SEMA5B: variants seen among roughly 807,000 people sequenced by gnomAD.
SEMA5B encodes the protein semaphorin-5B.
Under a neutral mutation model 135.0 loss-of-function variants are expected in SEMA5B, and 66 were observed. That is an observed-to-expected ratio of 0.49 (90% CI 0.40 to 0.60). SEMA5B has a LOEUF of 0.60. SEMA5B is among the 20% of genes least tolerant of loss of function. SEMA5B has a pLI of 0.00. For synonymous variants in SEMA5B, 690 were observed against 639.5 expected (o/e 1.08, Z -1.19); for missense variants, 1,501 against 1,566.3 (o/e 0.96, Z 0.70).
At chr3:122,944,258 CCAAATCCATCCCACAAGAG>C (rs1179512161) in intron 3 of SEMA5B, among the ~76,000 whole-genome samples, 2 of 152,200 alleles carry the variant, frequency 1.3e-5, no homozygotes, top group Non-Finnish European at 2.9e-5. Context: ...TCACACTTCC[CCAAATCCATCCCACAAGAG>C]CCTGCAAACC....
At chr3:122,943,403 A>G in intron 4 of SEMA5B, 33 bp downstream of exon 4, 2 of 1,471,210 alleles carry the variant, frequency 1.4e-6, no homozygotes, top group Non-Finnish European at 1.9e-6. Flanking sequence ...AAGCCCCTGC[A>G]CTTCCCACCC....
At position 122,913,219 on chromosome 3, in the gene SEMA5B, G is replaced by A. The variant is rs1238114339; in HGVS notation, c.2486C>T (p.Ser829Phe). Residue 829 changes from serine (S) to phenylalanine (F), a missense_variant, in exon 17 of 23, where the codon TCC (serine) becomes TTC (phenylalanine). By Grantham distance (155) the Ser-to-Phe change is radical. Coordinates refer to ENST00000357599, the MANE Select transcript of SEMA5B (RefSeq NM_001031702.4). ...GGTACCGTCGGTGTCGCAGGAGCCG[G>A]AGCCGTCCGCGGGACAGGTCCTCGT... ...TETRTCPADG[S>F]GSCDTDALVE... 1.3e-6 allele frequency: 2 copies of A among 1,576,718 alleles called. No homozygotes were observed. The highest frequency in any genetic ancestry group is 2.3e-5 in the South Asian group (2 of 87,170).
intron 21 of SEMA5B, 34 bp from the exon 22 acceptor site, chr3:122,911,079 C>T (rs1224700672): frequency 6.4e-7 from 1 of 1,553,628 alleles, no homozygotes; most frequent in South Asian, 1.1e-5. Flanking sequence ...AAGATGAGGG[C>T]CACTGTGAAG....
Position 122,915,558 on chromosome 3 carries a change from A to C in SEMA5B, c.1870T>G (p.Leu624Val), listed in dbSNP as rs764045755. The change falls in exon 14 of 23, where the codon TTG becomes GTG. Residue 624 changes from leucine (L) to valine (V), a missense_variant. Coordinates refer to ENST00000357599, the MANE Select transcript of SEMA5B (RefSeq NM_001031702.4). ...CAAGAGCCTGAGTTGTCCCCATCCAAGTGCTCACATGGTTGCCATGGTGAC... is the reference window on the plus strand; with the variant it reads ...CAAGAGCCTGAGTTGTCCCCATCCACGTGCTCACATGGTTGCCATGGTGAC... ...PWSPWQPCEH[L>V]DGDNSGSCLC... 6.2e-7 allele frequency: 1 copy of C among 1,614,102 alleles called. No homozygotes were observed. Among genetic ancestry groups the C allele is most frequent in the Non-Finnish European group, 8.5e-7 (1 of 1,179,978 alleles).
chr3:122,914,905 T>C (rs547621884), intron 14 of SEMA5B, among the ~76,000 whole-genome samples: 2 of 145,038 alleles, frequency 1.4e-5, no homozygotes, highest in East Asian at 3.9e-4. Flanking sequence ...AGTGAGACGC[T>C]GTCTCAAAAA....
rs867968833 is a variant in SEMA5B at position 122,911,422 on chromosome 3, C to A, written c.3091+69G>T. On this transcript the variant is annotated intron_variant, in intron 21 of 22. Transcript: ENST00000357599. ...GTCTGGAGCAGGATGTGGAAAGAGT[C>A]CAGACTTTGGAGTGGGGTGCCGGAG... is the stretch of plus-strand genomic sequence containing the variant. 4 of 1,572,816 alleles carry A rather than the reference C, an allele frequency of 2.5e-6. No homozygotes were observed. The African/African-American group carries it at 5.4e-5, about 21-fold the overall frequency.
In SEMA5B at chr3:122,910,042, G is replaced by A. The variant is rs928973325; in HGVS notation, c.*101C>T. ...CCACAGGCAAGGCAGCAAGTTCTTGGCCTAGTGCAGAGGGAGAAAACCAAA... is the reference window on the plus strand; with the variant it reads ...CCACAGGCAAGGCAGCAAGTTCTTGACCTAGTGCAGAGGGAGAAAACCAAA... On this transcript the variant is annotated 3_prime_UTR_variant, in exon 23 of 23. Transcript: ENST00000357599. 7.8e-7 allele frequency: 1 copy of A among 1,278,844 alleles called. No homozygotes were observed. Among genetic ancestry groups the A allele is most frequent in the Non-Finnish European group, 1.1e-6 (1 of 925,024 alleles). The allele number at this position is 1,278,844 out of a possible 1,614,324, so 79.2% of individuals were successfully genotyped here.
chr3:122,946,588 A>G (rs989715463), intron 3 of SEMA5B, among the ~76,000 whole-genome samples: 2 of 152,112 alleles, frequency 1.3e-5, no homozygotes, highest in South Asian at 2.1e-4. Flanking sequence ...CAGCTGTGCT[A>G]AGGGATGTGG....
At chr3:122,941,201 A>G (rs984233029) in intron 4 of SEMA5B, among the ~76,000 whole-genome samples, 1 of 152,212 alleles carries the variant, frequency 6.6e-6, no homozygotes, top group Admixed American at 6.5e-5. Context: ...TGAGCTGGAG[A>G]CAGGAAAAGA....
chr3:122,943,505 T>C lies in SEMA5B; in HGVS notation c.359A>G (p.Tyr120Cys). The C allele has an allele frequency of 6.2e-7, 1 of 1,609,126 alleles. No homozygotes were observed. The highest frequency in any genetic ancestry group is 8.5e-7 in the Non-Finnish European group (1 of 1,178,568). The change falls in exon 4 of 23, where the codon TAC becomes TGC. Residue 120 changes from tyrosine (Y) to cysteine (C), a missense_variant. Coordinates refer to ENST00000357599, the MANE Select transcript of SEMA5B (RefSeq NM_001031702.4). Reference sequence around the variant, plus strand: ...CTGGGAGAAATCCCGGGCTCCAGGGTAGGTGAAGTTAGAGACCCACGGCTG... The same window carrying C: ...CTGGGAGAAATCCCGGGCTCCAGGGCAGGTGAAGTTAGAGACCCACGGCTG... ...DLQPWVSNFT[Y>C]PGARDFSQLA...
At chr3:123,017,295 G>A (rs1183606766) in intron 1 of SEMA5B, among the ~76,000 whole-genome samples, 4 of 151,710 alleles carry the variant, frequency 2.6e-5, no homozygotes, top group Admixed American at 6.6e-5. Context: ...TAAGTAATGA[G>A]CTCATTTAAT....
chr3:122,944,711 GT>G (rs11336888), intron 3 of SEMA5B, among the ~76,000 whole-genome samples: 122,619 of 151,964 alleles, frequency 0.81, 51,393 homozygotes, highest in East Asian at 0.95. Context: ...ATGGGGAGTG[GT>G]CTGGGAGGGC....
Position 123,017,387 on chromosome 3 carries a change from C to T in SEMA5B, c.-39+10077G>A, listed in dbSNP as rs1410039340. Among the ~76,000 whole-genome samples the T allele has an allele frequency of 2.6e-5, 4 of 151,692 alleles. No individual in the cohort carries two copies. The East Asian group carries it at 5.8e-4, about 22-fold the overall frequency. On this transcript the variant is annotated intron_variant, in intron 1 of 22. Transcript: ENST00000357599. ...GCTCAGAAAGGGAAAGGAACTTATA[C>T]AAAACTCACAACCAAAAAGCAGCCA... is the stretch of plus-strand genomic sequence containing the variant.
rs1420461721 is a variant in SEMA5B at position 122,983,820 on chromosome 3, G to A, written c.-38-22519C>T. On this transcript the variant is annotated intron_variant, in intron 1 of 22. Coordinates refer to ENST00000357599, the MANE Select transcript of SEMA5B (RefSeq NM_001031702.4). Reference sequence around the variant, plus strand: ...AGTCGGGCAGGACCTGCTTGACCAGGGCCAGTTCACCTGAGCCTGGCATTC... The same window carrying A: ...AGTCGGGCAGGACCTGCTTGACCAGAGCCAGTTCACCTGAGCCTGGCATTC... Among the ~76,000 whole-genome samples, 4 of 150,770 alleles carry A rather than the reference G, an allele frequency of 2.7e-5. No homozygotes were observed. In the South Asian group the frequency reaches 6.3e-4, roughly 24 times the overall value.
chr3:122,972,952 G>A (rs1031695954), intron 1 of SEMA5B, among the ~76,000 whole-genome samples: 2 of 152,202 alleles, frequency 1.3e-5, no homozygotes, highest in African/African-American at 4.8e-5. Context: ...GTCAAGCCGT[G>A]ATGGCTCACA....
intron 1 of SEMA5B, among the ~76,000 whole-genome samples, chr3:123,006,266 G>A (rs1942307494): frequency 6.6e-6 from 1 of 152,180 alleles, no homozygotes; most frequent in Admixed American, 6.5e-5. Context: ...AGAGCAGGAT[G>A]GGAGTAACTG....
At chr3:122,987,850 T>C (rs999506848) in intron 1 of SEMA5B, among the ~76,000 whole-genome samples, 1 of 150,634 alleles carries the variant, frequency 6.6e-6, no homozygotes, top group Non-Finnish European at 1.5e-5. Context: ...TGAAATTTAT[T>C]TTTTTTTTCA....
rs1942834479 is a variant in SEMA5B, at chr3:123,027,688, TCG to T, written c.-265_-264del. 6.6e-6 allele frequency: 1 copy of T among 152,102 alleles called. No individual in the cohort carries two copies. The highest frequency in any genetic ancestry group is 2.1e-4 in the South Asian group (1 of 4,834). 9.4% of individuals were successfully genotyped at this position (152,102 alleles called of 1,614,324 possible). ...TGGATGCGCTGCCGACCCGCCCGGC[TCG>T]GCGGAGCTGGGCTCTGGCACCAACC... On this transcript the variant is annotated 5_prime_UTR_variant, in exon 1 of 23. Transcript: ENST00000357599.
intron 5 of SEMA5B, among the ~76,000 whole-genome samples, chr3:122,934,444 C>T (rs1395386224): frequency 6.6e-6 from 1 of 152,138 alleles, no homozygotes; most frequent in Non-Finnish European, 1.5e-5. Context: ...AAGAGAGCAA[C>T]ATGTTCAGTC....
Sources: gnomAD v4.1 joint callset for allele counts (sites outside exome capture counted in the v4.1 genomes callset) on GRCh38, gnomAD v4.1.1 for gene constraint, MANE v1.5 for transcripts, NCBI Gene and HGNC (gene_info 2026-07-23, HGNC 2026-07-21) for gene names.